The following EXOC5 variants were observed in gnomAD, a reference collection of about 807,000 sequenced individuals.
EXOC5 encodes the protein SEC10-like 1.
In EXOC5, 17 loss-of-function variants were observed where a neutral mutation model predicts 90.8. The observed-to-expected ratio is 0.19, with a 90% CI of 0.13 to 0.28. EXOC5 has a LOEUF of 0.28. Among genes scored for constraint, EXOC5 ranks in the 10% least tolerant of loss-of-function variants. The pLI, the probability that EXOC5 is intolerant of heterozygous loss-of-function variation, is 1.00. For missense variants in EXOC5, 569 were observed against 830.6 expected (o/e 0.69, Z 3.87); for synonymous variants, 260 against 270.0 (o/e 0.96, Z 0.36).
At chr14:57,216,473 A>G (rs911224757) in intron 15 of EXOC5, among the ~76,000 whole-genome samples, 1 of 152,190 alleles carries the variant, frequency 6.6e-6, no homozygotes, top group African/African-American at 2.4e-5. Context: ...TACAGAGCCC[A>G]GAAATAAATC....
At chr14:57,246,671 T>C (rs749747880) in intron 3 of EXOC5, 40 bp downstream of exon 3, 8 of 1,525,858 alleles carry the variant, frequency 5.2e-6, no homozygotes, top group Non-Finnish European at 5.4e-6. Context: ...AAAGATATTA[T>C]AGCCTATATA....
chr14:57,220,852 T>C (rs1883117047), intron 13 of EXOC5, among the ~76,000 whole-genome samples: 2 of 152,106 alleles, frequency 1.3e-5, no homozygotes, highest in African/African-American at 4.8e-5. Flanking sequence ...ATACACACTT[T>C]TTTTAATTTT....
At position 57,232,746 on chromosome 14, in the gene EXOC5, A is replaced by C. The variant is rs1883524891; in HGVS notation, c.859T>G (p.Phe287Val). The change falls in exon 10 of 18, where the codon TTT becomes GTT. Residue 287 changes from phenylalanine (F) to valine (V), a missense_variant. By Grantham distance (50) the Phe-to-Val change is conservative. Transcript: ENST00000621441. Reference protein sequence around the residue: ...QNVFEIKLQSFVKEQLEECRK... With the variant: ...QNVFEIKLQSVVKEQLEECRK... ...CATTCTTCTAACTGCTCTTTCACAAAACTCTAAAAGAAAAAGGTTAACATT... is the reference window on the plus strand; with the variant it reads ...CATTCTTCTAACTGCTCTTTCACAACACTCTAAAAGAAAAAGGTTAACATT... The C allele has an allele frequency of 6.8e-7, 1 of 1,479,058 alleles. No homozygotes were observed. The highest frequency in any genetic ancestry group is 1.2e-5 in the South Asian group (1 of 81,462). The allele number at this position is 1,479,058 out of a possible 1,614,324, so 91.6% of individuals were successfully genotyped here.
intron 2 of EXOC5, 139 bp downstream of exon 2, chr14:57,247,479 G>C: frequency 4.4e-6 from 2 of 458,292 alleles, no homozygotes; most frequent in Admixed American, 8.1e-5. Context: ...TTAATGCTCT[G>C]TTGTATTGTC....
chr14:57,222,688 GTATACCCCCATATATATATATA>G (rs1204981840), intron 12 of EXOC5, among the ~76,000 whole-genome samples: 10 of 148,350 alleles, frequency 6.7e-5, no homozygotes, highest in African/African-American at 2.2e-4. Context: ...TTCATAAAAT[GTATACCCCCATATATATATATA>G]TATACCCCCA....
intron 1 of EXOC5, among the ~76,000 whole-genome samples, chr14:57,267,221 A>G (rs1884696310): frequency 6.6e-6 from 1 of 152,228 alleles, no homozygotes; most frequent in Admixed American, 6.5e-5. Flanking sequence ...AATTACAGAA[A>G]TTAATGTAGC....
intron 1 of EXOC5, among the ~76,000 whole-genome samples, chr14:57,260,113 C>T (rs1884455878): frequency 2.6e-5 from 4 of 152,128 alleles, no homozygotes; most frequent in Non-Finnish European, 5.9e-5. Flanking sequence ...TTATAATATT[C>T]GGCCTCTACT....
At chr14:57,230,499 A>G (rs1299574043) in intron 11 of EXOC5, among the ~76,000 whole-genome samples, 1 of 152,074 alleles carries the variant, frequency 6.6e-6, no homozygotes, top group African/African-American at 2.4e-5. Context: ...CTTCCTTGCT[A>G]CTACCTTTCA....
At position 57,208,459 on chromosome 14, in the gene EXOC5, T is replaced by C; in HGVS notation, c.*150A>G. 1.9e-6 allele frequency: 1 copy of C among 523,108 alleles called. No homozygotes were observed. The highest frequency in any genetic ancestry group is 2.7e-5 in the East Asian group (1 of 37,142). The allele number at this position is 523,108 out of a possible 1,614,324, so 32.4% of individuals were successfully genotyped here. On this transcript the variant is annotated 3_prime_UTR_variant, in exon 18 of 18. Coordinates refer to ENST00000621441, the MANE Select transcript of EXOC5 (RefSeq NM_006544.4). Reference sequence around the variant, plus strand: ...CTTTAAATAAAACCTCAAAGGTAAGTATGGCTGCTGTTTTGTTCCAGTCAT... The same window carrying C: ...CTTTAAATAAAACCTCAAAGGTAAGCATGGCTGCTGTTTTGTTCCAGTCAT...
At chr14:57,263,845 C>T (rs965443091) in intron 1 of EXOC5, among the ~76,000 whole-genome samples, 6 of 150,718 alleles carry the variant, frequency 4.0e-5, no homozygotes, top group African/African-American at 9.7e-5. Context: ...TATGCACATA[C>T]ACATCCTAAC....
Position 57,205,981 on chromosome 14 carries a change from T to C in EXOC5, c.*2628A>G, listed in dbSNP as rs1214601432. ...ATAAGGACACTTCATCTACTCTGGT[T>C]GACTGTCATTTTCAACATCATAATT... On this transcript the variant is annotated 3_prime_UTR_variant, in exon 18 of 18. Transcript: ENST00000621441. 3 of 456,156 alleles carry C rather than the reference T, an allele frequency of 6.6e-6. No individual in the cohort carries two copies. The highest frequency in any genetic ancestry group is 4.7e-5 in the South Asian group (3 of 64,508). The allele number at this position is 456,156 out of a possible 1,614,324, so 28.3% of individuals were successfully genotyped here.
At chr14:57,261,317 G>C (rs1247540378) in intron 1 of EXOC5, among the ~76,000 whole-genome samples, 2 of 152,154 alleles carry the variant, frequency 1.3e-5, no homozygotes, top group African/African-American at 4.8e-5. Context: ...AATTTCCTGG[G>C]AACACCAGGG....
chr14:57,249,841 G>A (rs1169768221), intron 1 of EXOC5, among the ~76,000 whole-genome samples: 1 of 151,956 alleles, frequency 6.6e-6, no homozygotes, highest in Non-Finnish European at 1.5e-5. Flanking sequence ...GCATGATCTC[G>A]GCTCACCTCA....
intron 1 of EXOC5, among the ~76,000 whole-genome samples, chr14:57,257,284 G>C (rs934758968): frequency 2.0e-5 from 3 of 152,196 alleles, no homozygotes; most frequent in African/African-American, 4.8e-5. Flanking sequence ...ATGGATGAGG[G>C]AGCAGTGAAA....
At chr14:57,234,533 GTGTGTA>G (rs1174521676) in intron 7 of EXOC5, among the ~76,000 whole-genome samples, 19 of 146,738 alleles carry the variant, frequency 1.3e-4, no homozygotes, top group African/African-American at 4.0e-4. Context: ...GTGTGTGTGT[GTGTGTA>G]TATATATATA....
chr14:57,223,676 T>C (rs994286214), intron 12 of EXOC5, among the ~76,000 whole-genome samples: 9 of 152,014 alleles, frequency 5.9e-5, no homozygotes, highest in African/African-American at 2.2e-4. Context: ...AGATGGAAAA[T>C]TGGTAAGGAT....
chr14:57,248,198 C>T (rs1178983676), intron 1 of EXOC5, among the ~76,000 whole-genome samples: 2 of 151,070 alleles, frequency 1.3e-5, no homozygotes, highest in African/African-American at 2.4e-5. Flanking sequence ...TTTTTGGAGG[C>T]CAGCGGGTAA....
chr14:57,230,927 G>A (rs1162681217), intron 11 of EXOC5, among the ~76,000 whole-genome samples: 1 of 149,612 alleles, frequency 6.7e-6, no homozygotes, highest in Non-Finnish European at 1.5e-5. Flanking sequence ...AAAAATGAAA[G>A]AAACTATGGA....
rs1884782206 is a variant in EXOC5, at chr14:57,268,726, A to T, written c.-78T>A. The T allele has an allele frequency of 6.6e-7, 1 of 1,521,728 alleles. No individual in the cohort carries two copies. The highest frequency in any genetic ancestry group is 1.4e-5 in the African/African-American group (1 of 71,874). The allele number at this position is 1,521,728 out of a possible 1,614,324, so 94.3% of individuals were successfully genotyped here. A position where few individuals can be genotyped will look rare whatever the true frequency, so the allele number is the denominator to read the frequency against. ...GCTGCGCCTCAGAGGCGCGGCGCAC[A>T]GGTCTCCGCTCGGCTCGCCAGCTCC... is the stretch of plus-strand genomic sequence containing the variant. On this transcript the variant is annotated 5_prime_UTR_variant, in exon 1 of 18. Transcript: ENST00000621441.
Sources: allele counts gnomAD v4.1 joint callset (sites outside exome capture counted in the v4.1 genomes callset), GRCh38; gene constraint gnomAD v4.1.1; transcripts MANE v1.5; gene names NCBI Gene and HGNC (gene_info 2026-07-23, HGNC 2026-07-21).